The following LTK variants were observed in gnomAD, a reference collection of about 807,000 sequenced individuals.
LTK encodes the protein leukocyte tyrosine kinase receptor.
LTK carries 117 observed loss-of-function variants against 101.5 expected under a neutral mutation model. The ratio of observed to expected loss-of-function variants is 1.15; its 90% CI spans 0.99 to 1.34. LTK has a LOEUF of 1.34. Ranked by LOEUF, LTK falls within the 40% of genes most tolerant of loss-of-function variation. The probability of loss-of-function intolerance (pLI) is 0.00; values close to 1 mark genes in which losing one functional copy is unlikely to be tolerated. For missense variants in LTK, 1,252 were observed against 1,164.7 expected (o/e 1.07, Z -1.09); for synonymous variants, 563 against 494.2 (o/e 1.14, Z -1.85).
Position 41,504,762 on chromosome 15 carries a change from G to T in LTK, c.2120+11C>A, listed in dbSNP as rs912299788. The T allele has an allele frequency of 6.2e-6, 10 of 1,608,826 alleles. No individual in the cohort carries two copies. The South Asian group carries it at 1.0e-4, about 16-fold the overall frequency. ...GAACAGTGGGGAAGGGGAGGGGAAG[G>T]GTGTTATCACCAGGAATCTGTCTTG... On this transcript the variant is annotated intron_variant, in intron 17 of 19. Transcript: ENST00000263800.
chr15:41,503,681 G>A lies in LTK; in HGVS notation c.*315C>T. On this transcript the variant is annotated 3_prime_UTR_variant, in exon 20 of 20. Coordinates refer to ENST00000263800, the MANE Select transcript of LTK (RefSeq NM_002344.6). Reference sequence around the variant, plus strand: ...TTTATTAGAAGCATCTGCAGGGTGGGGGGTCTGCCCAGATGAAGGATGCTC... The same window carrying A: ...TTTATTAGAAGCATCTGCAGGGTGGAGGGTCTGCCCAGATGAAGGATGCTC... 1 of 626,610 alleles carries A rather than the reference G, an allele frequency of 1.6e-6. No individual in the cohort carries two copies. The highest frequency in any genetic ancestry group is 3.0e-6 in the Non-Finnish European group (1 of 331,558). 38.8% of individuals were successfully genotyped at this position (626,610 alleles called of 1,614,324 possible).
At chr15:41,508,047 C>A in intron 9 of LTK, 22 bp downstream of exon 9, 1 of 1,571,336 alleles carries the variant, frequency 6.4e-7, no homozygotes, top group South Asian at 1.2e-5. Context: ...GAGTCCAGAC[C>A]TTGGGCAAAG....
In LTK at chr15:41,513,726, C is replaced by A. The variant is rs988958930; in HGVS notation, c.-17G>T. On this transcript the variant is annotated 5_prime_UTR_variant, in exon 1 of 20. Coordinates refer to ENST00000263800, the MANE Select transcript of LTK (RefSeq NM_002344.6). ...GCAGCCCATCCCTGTTGGGTCCACCCGGCAACAAAAGCCCTTGCGGTCGCG... is the reference window on the plus strand; with the variant it reads ...GCAGCCCATCCCTGTTGGGTCCACCAGGCAACAAAAGCCCTTGCGGTCGCG... 1 of 1,613,050 alleles carries A rather than the reference C, an allele frequency of 6.2e-7. No homozygotes were observed. Among genetic ancestry groups the A allele is most frequent in the African/African-American group, 1.3e-5 (1 of 75,010 alleles).
rs946685691 is a variant in LTK, at chr15:41,511,719, G to A, written c.657+98C>T. The A allele has an allele frequency of 7.0e-7, 1 of 1,434,238 alleles. No homozygotes were observed. 88.8% of individuals were successfully genotyped at this position (1,434,238 alleles called of 1,614,324 possible). ...CCAGGCCAGCCCAGCCCAGCGCAGG[G>A]ATAGGGGGACCCCAAGGGACGGACG... is the stretch of plus-strand genomic sequence containing the variant. On this transcript the variant is annotated intron_variant, in intron 5 of 19. Transcript: ENST00000263800. The surrounding 1 kb of genome is among the most constrained non-coding windows in gnomAD (Gnocchi z 5.9).
intron 14 of LTK, 40 bp from the exon 15 acceptor site, chr15:41,505,345 A>T (rs376891200): frequency 2.4e-5 from 38 of 1,612,062 alleles, no homozygotes; most frequent in Non-Finnish European, 3.1e-5. Context: ...TGTAGGTCTC[A>T]GACACATGGA....
At chr15:41,507,482 C>T (rs1443658594) in intron 10 of LTK, 80 bp downstream of exon 10, 1 of 1,567,388 alleles carries the variant, frequency 6.4e-7, no homozygotes, top group Non-Finnish European at 8.6e-7. Flanking sequence ...GAAGTCAGCC[C>T]CGGGACCCCG....
intron 7 of LTK, among the ~76,000 whole-genome samples, chr15:41,510,229 A>C (rs1467782355): frequency 6.6e-6 from 1 of 151,060 alleles, no homozygotes; most frequent in Non-Finnish European, 1.5e-5. Flanking sequence ...GCTGGCCTCA[A>C]ACTCCTGACC....
Position 41,511,309 on chromosome 15 carries a change from C to A in LTK, c.852G>T (p.Pro284=). 1.5e-6 allele frequency: 2 copies of A among 1,368,056 alleles called. No individual in the cohort carries two copies. The highest frequency in any genetic ancestry group is 1.7e-5 in the South Asian group (1 of 57,554). 84.7% of individuals were successfully genotyped at this position (1,368,056 alleles called of 1,614,324 possible). A position where few individuals can be genotyped will look rare whatever the true frequency, so the allele number is the denominator to read the frequency against. Residue 284 remains proline (P), a synonymous_variant, in exon 7 of 20, where the codon CCG becomes CCT. Transcript: ENST00000263800. This position sits in a 1 kb window ranked among gnomAD's most constrained non-coding sequence, Gnocchi z 5.9. ...CCTCCTGCAGTGAGCGGCCGGCCTG[C>A]GGAGAGGGAGCCCGCGACGTCCAGC... ...GGGWTSRAPS[P]QAGRSLQEGA...
rs777597235 is a variant in LTK, at chr15:41,508,048, T to C, written c.1249+21A>G. 8 of 1,571,820 alleles carry C rather than the reference T, an allele frequency of 5.1e-6. No individual in the cohort carries two copies. The South Asian group carries it at 5.8e-5, about 11-fold the overall frequency. ...GTCTGTGACCCCAGGAGTCCAGACC[T>C]TGGGCAAAGGTAGGACATACCCATG... On this transcript the variant is annotated intron_variant, in intron 9 of 19. Coordinates refer to ENST00000263800, the MANE Select transcript of LTK (RefSeq NM_002344.6).
chr15:41,508,564 A>AAAATAAATAAAT (rs141710966), intron 8 of LTK, among the ~76,000 whole-genome samples: 133 of 145,664 alleles, frequency 9.1e-4, no homozygotes, highest in African/African-American at 3.1e-3. Context: ...CTCAAAAATA[A>AAAATAAATAAAT]AAATAAATAA....
chr15:41,504,361 C>G lies in LTK; in HGVS notation c.2327G>C (p.Arg776Pro), dbSNP rs375277507. 8 of 1,614,026 alleles carry G rather than the reference C, an allele frequency of 5.0e-6. No homozygotes were observed. In the African/African-American group the frequency reaches 1.1e-4, roughly 22 times the overall value. Residue 776 changes from arginine to proline, a missense_variant, in exon 19 of 20, where the codon CGT becomes CCT. Transcript: ENST00000263800. ...GCACACCTGAGTGCAGTACTGCAGACGCTCCAAGATGCTGGCAAAGCTAGG... is the reference window on the plus strand; with the variant it reads ...GCACACCTGAGTGCAGTACTGCAGAGGCTCCAAGATGCTGGCAAAGCTAGG... ...LRPSFASILE[R>P]LQYCTQDPDV...
rs201253904 is a variant in LTK at position 41,505,273 on chromosome 15, C to T, written c.1860G>A (p.Leu620=). The T allele has an allele frequency of 6.2e-7, 1 of 1,614,038 alleles. No homozygotes were observed. The highest frequency in any genetic ancestry group is 2.2e-5 in the East Asian group (1 of 44,866). Residue 620 remains leucine (L), a synonymous_variant, in exon 15 of 20, where the codon CTG becomes CTA. Transcript: ENST00000263800. ...GQPSPLVMRD[L]LQLAQDIAQG... is the part of the protein sequence containing the mutation. ...GGGCTATGTCCTGGGCCAGTTGCAG[C>T]AGGTCCCGCATGACCAGAGGTGATG...
chr15:41,506,835 C>T (rs2051301843), intron 11 of LTK, among the ~76,000 whole-genome samples: 1 of 152,206 alleles, frequency 6.6e-6, no homozygotes, highest in Non-Finnish European at 1.5e-5. Context: ...GGTGACCTGC[C>T]TGCCTCGACC....
chr15:41,512,209 G>A lies in LTK; in HGVS notation c.416C>T (p.Ala139Val). Residue 139 changes from alanine to valine, a missense_variant, in exon 4 of 20, where the codon GCG becomes GTG. By Grantham distance (64) the Ala-to-Val change is moderately conservative. Coordinates refer to ENST00000263800, the MANE Select transcript of LTK (RefSeq NM_002344.6). ...GATTGCTGAGACGAAGACGCCATGC[G>A]CCCGCGACAGGTGGTTCTTGGCGCC... ...GKGAKNHLSR[A>V]HGVFVSAIFS... The A allele has an allele frequency of 1.2e-6, 2 of 1,613,182 alleles. No individual in the cohort carries two copies. Among genetic ancestry groups the A allele is most frequent in the East Asian group, 2.2e-5 (1 of 44,846 alleles).
Position 41,511,167 on chromosome 15 carries a change from T to A in LTK, c.994A>T (p.Arg332Trp). ...CTAGGGGGGY[R>W]GGDASETDNL... ...CCCTCTCCAACGGTGCACCTACCCC[T>A]GTAGCCGCCGCCGCCTCCGCCCGCA... is the stretch of plus-strand genomic sequence containing the variant. The change falls in exon 7 of 20, where the codon AGG becomes TGG. Residue 332 changes from arginine (R) to tryptophan (W), a missense_variant. Transcript: ENST00000263800. The surrounding 1 kb of genome is among the most constrained non-coding windows in gnomAD (Gnocchi z 5.9). The A allele has an allele frequency of 7.1e-7, 1 of 1,406,964 alleles. No homozygotes were observed. Among genetic ancestry groups the A allele is most frequent in the Non-Finnish European group, 9.2e-7 (1 of 1,088,808 alleles). 87.2% of individuals were successfully genotyped at this position (1,406,964 alleles called of 1,614,324 possible).
chr15:41,512,801 C>G lies in LTK; in HGVS notation c.265G>C (p.Ala89Pro), dbSNP rs1447058281. 6.2e-7 allele frequency: 1 copy of G among 1,612,566 alleles called. No individual in the cohort carries two copies. Among genetic ancestry groups the G allele is most frequent in the Non-Finnish European group, 8.5e-7 (1 of 1,179,824 alleles). The part of the protein sequence containing the change: ...HGPTQTQCDG[A>P]YAGTSVVVTV... ...ACCACCACGCTGGTCCCCGCGTACG[C>G]CCCGTCACATTGTGTCTGTGTGGGC... The change falls in exon 3 of 20, where the codon GCG becomes CCG. Residue 89 changes from alanine to proline, a missense_variant. Physicochemically the swap from Ala to Pro is conservative, Grantham distance 27. Coordinates refer to ENST00000263800, the MANE Select transcript of LTK (RefSeq NM_002344.6).
rs1159671037 is a variant in LTK, at chr15:41,507,598, G to A, written c.1309C>T (p.Leu437=). Residue 437 remains leucine, a synonymous_variant, in exon 10 of 20, where the codon CTG becomes TTG. Transcript: ENST00000263800. ...ACCCCACACACCATAAGGAGGCTCA[G>A]TGTTGAGGTTGCCACCACAGCCACC... The part of the protein sequence containing the change: ...LMVAVVATST[L]SLLMVCGVLI... 1 of 1,614,042 alleles carries A rather than the reference G, an allele frequency of 6.2e-7. No homozygotes were observed. The highest frequency in any genetic ancestry group is 1.1e-5 in the South Asian group (1 of 91,024).
At chr15:41,508,779 C>G (rs374703495) in intron 8 of LTK, among the ~76,000 whole-genome samples, 9 of 152,240 alleles carry the variant, frequency 5.9e-5, no homozygotes, top group African/African-American at 2.2e-4. Context: ...GCAGCATGCC[C>G]TGCATTGCCA....
intron 18 of LTK, 36 bp downstream of exon 18, chr15:41,504,470 T>G: frequency 6.2e-7 from 1 of 1,613,834 alleles, no homozygotes; most frequent in Non-Finnish European, 8.5e-7. Flanking sequence ...CCCATGGTTG[T>G]GAAGGACCTC....
Sources: allele counts gnomAD v4.1 joint callset (sites outside exome capture counted in the v4.1 genomes callset), GRCh38; gene constraint gnomAD v4.1.1; non-coding constraint Gnocchi (gnomAD v3.1); transcripts MANE v1.5; gene names NCBI Gene and HGNC (gene_info 2026-07-23, HGNC 2026-07-21).